The following KIF26B variants were observed in gnomAD, a reference collection of about 807,000 sequenced individuals.
The protein encoded by KIF26B is kinesin family member 26B.
A neutral mutation model predicts 151.2 loss-of-function variants in KIF26B; 63 were observed. That is an observed-to-expected ratio of 0.42 (90% confidence interval 0.34 to 0.51). KIF26B has a LOEUF of 0.51. KIF26B is among the 20% of genes least tolerant of loss of function. The probability of loss-of-function intolerance (pLI) is 0.07; values close to 1 mark genes in which losing one functional copy is unlikely to be tolerated. For missense variants in KIF26B, 2,813 were observed against 2,913.6 expected, an observed-to-expected ratio of 0.97 and a Z score of 0.79; for synonymous variants, 1,357 against 1,262.1, an observed-to-expected ratio of 1.08 and a Z score of -1.59.
chr1:245,392,556 G>A (rs1277672321), intron 3 of KIF26B, among the ~76,000 whole-genome samples: 1 of 152,110 alleles, frequency 6.6e-6, no homozygotes, highest in African/African-American at 2.4e-5. Context: ...TTTCTCTATG[G>A]TCTTAGAGCT....
At chr1:245,302,710 GC>G (rs2102978156) in intron 2 of KIF26B, among the ~76,000 whole-genome samples, 1 of 152,248 alleles carries the variant, frequency 6.6e-6, no homozygotes, top group African/African-American at 2.4e-5. Flanking sequence ...TGGCAAATGT[GC>G]GGGGTGCGGT....
chr1:245,509,938 T>G (rs2103083416), intron 4 of KIF26B, among the ~76,000 whole-genome samples: 1 of 152,326 alleles, frequency 6.6e-6, no homozygotes, highest in East Asian at 1.9e-4. Flanking sequence ...GCCCCGTCTG[T>G]GGGTCTCATG....
intron 3 of KIF26B, among the ~76,000 whole-genome samples, chr1:245,411,041 C>A (rs1674268935): frequency 6.6e-6 from 1 of 152,108 alleles, no homozygotes; most frequent in Non-Finnish European, 1.5e-5. Context: ...CATTTTATTG[C>A]CCTAGTTTTT....
At chr1:245,604,322 G>A (rs2043427194) in intron 6 of KIF26B, among the ~76,000 whole-genome samples, 1 of 152,160 alleles carries the variant, frequency 6.6e-6, no homozygotes, top group Non-Finnish European at 1.5e-5. Context: ...GAGTAGAGGA[G>A]GTGGCGATGT....
intron 10 of KIF26B, among the ~76,000 whole-genome samples, chr1:245,678,411 G>C (rs531179333): frequency 6.6e-6 from 1 of 152,242 alleles, no homozygotes; most frequent in South Asian, 2.1e-4. Flanking sequence ...TACTGGAATC[G>C]ATGTAGTTCC....
At chr1:245,635,437 C>A (rs1020565099) in intron 9 of KIF26B, among the ~76,000 whole-genome samples, 3 of 151,962 alleles carry the variant, frequency 2.0e-5, no homozygotes, top group Admixed American at 2.0e-4. Flanking sequence ...TCTTTATTAT[C>A]TTTTTGATAT....
At chr1:245,648,243 T>G (rs1261786388) in intron 10 of KIF26B, among the ~76,000 whole-genome samples, 2 of 152,248 alleles carry the variant, frequency 1.3e-5, no homozygotes, top group African/African-American at 2.4e-5. Flanking sequence ...AAATAGTTGT[T>G]GAATTGATGG....
At chr1:245,235,081 G>A (rs1165093709) in intron 2 of KIF26B, among the ~76,000 whole-genome samples, 1 of 152,170 alleles carries the variant, frequency 6.6e-6, no homozygotes. Flanking sequence ...CTACTGCGCT[G>A]GGTTGAGTTG....
chr1:245,656,208 C>T (rs950121837), intron 10 of KIF26B, among the ~76,000 whole-genome samples: 12 of 143,026 alleles, frequency 8.4e-5, no homozygotes, highest in East Asian at 2.0e-4. Flanking sequence ...CGCACATCAG[C>T]GCTGAATCGG....
intron 14 of KIF26B, among the ~76,000 whole-genome samples, chr1:245,701,096 A>ATGCT (rs1361991230): frequency 6.6e-6 from 1 of 152,270 alleles, no homozygotes; most frequent in African/African-American, 2.4e-5. Flanking sequence ...ATGTGTTTAG[A>ATGCT]TGCTTCCAGG....
intron 2 of KIF26B, chr1:245,214,259 C>A (rs1261632028): frequency 6.6e-6 from 1 of 151,794 alleles, no homozygotes; most frequent in Non-Finnish European, 1.5e-5. Flanking sequence ...TGCCTGTAAT[C>A]CCAGCTCCCT....
chr1:245,579,706 G>A (rs746102425), intron 5 of KIF26B, among the ~76,000 whole-genome samples: 14 of 151,986 alleles, frequency 9.2e-5, no homozygotes, highest in South Asian at 6.2e-4. Flanking sequence ...AAATTAGCCC[G>A]GTGTGGTGGC....
chr1:245,436,946 G>A (rs1009445147), intron 4 of KIF26B, among the ~76,000 whole-genome samples: 4 of 140,148 alleles, frequency 2.9e-5, no homozygotes, highest in African/African-American at 1.0e-4. Flanking sequence ...GAGTGCAGTG[G>A]CATGACCTCA....
chr1:245,257,977 A>T (rs140971930), intron 2 of KIF26B, among the ~76,000 whole-genome samples: 8 of 152,028 alleles, frequency 5.3e-5, no homozygotes, highest in African/African-American at 1.9e-4. Context: ...AGCTGAGATC[A>T]TGCCACTGCA....
chr1:245,475,472 G>A lies in KIF26B; in HGVS notation c.1166+55727G>A, dbSNP rs374494173. ...GGGGTCAGAAGGTCATTGGATAGGC[G>A]GGAAAAAAAATCATTGCAAGGTTAT... On this transcript the variant is annotated intron_variant, in intron 4 of 14. Transcript: ENST00000407071. Among the ~76,000 whole-genome samples the A allele has an allele frequency of 1.1e-3, 174 of 151,692 alleles. 3 individuals carry two copies. Among genetic ancestry groups the A allele is most frequent in the African/African-American group, 3.7e-3 (153 of 41,458 alleles).
chr1:245,394,688 C>CT (rs900497785), intron 3 of KIF26B, among the ~76,000 whole-genome samples: 2,753 of 123,096 alleles, frequency 0.022, 68 homozygotes, highest in African/African-American at 0.027. Flanking sequence ...TTTTTTCTTT[C>CT]TTTTTTTTTT....
intron 2 of KIF26B, among the ~76,000 whole-genome samples, chr1:245,302,988 CAAAAAAAAAAAA>C (rs74163037): frequency 2.8e-5 from 1 of 35,816 alleles, no homozygotes; most frequent in South Asian, 2.1e-3. Flanking sequence ...GACTCTGTCT[CAAAAAAAAAAAA>C]AAAAAAAAAA....
At chr1:245,586,941 G>A (rs1053749710) in intron 5 of KIF26B, among the ~76,000 whole-genome samples, 4 of 150,240 alleles carry the variant, frequency 2.7e-5, no homozygotes, top group Admixed American at 6.6e-5. Flanking sequence ...CCCTTCCCAC[G>A]TGCCGGGCTA....
intron 2 of KIF26B, among the ~76,000 whole-genome samples, chr1:245,172,626 A>G (rs1426188996): frequency 6.6e-6 from 1 of 152,198 alleles, no homozygotes; most frequent in Non-Finnish European, 1.5e-5. Context: ...CCTGGCCAAC[A>G]TGGTGAAACC....
Sources: allele counts gnomAD v4.1 joint callset (sites outside exome capture counted in the v4.1 genomes callset), GRCh38; gene constraint gnomAD v4.1.1; transcripts MANE v1.5; gene names NCBI Gene and HGNC (gene_info 2026-07-23, HGNC 2026-07-21).